Variants in NCAPH observed in about 807,000 individuals in gnomAD.
NCAPH encodes the protein condensin complex subunit 2.
In NCAPH, 38 loss-of-function variants were observed where a neutral mutation model predicts 85.5. The observed-to-expected ratio is 0.44, with a 90% CI of 0.34 to 0.58. NCAPH has a LOEUF of 0.58. Among genes scored for constraint, NCAPH ranks in the 20% least tolerant of loss-of-function variants. NCAPH has a pLI of 0.01. For synonymous variants in NCAPH, 301 were observed against 335.1 expected (o/e 0.90, Z 1.11); for missense variants, 789 against 916.6 (o/e 0.86, Z 1.80).
At chr2:96,338,359 G>A (rs980598783) in intron 1 of NCAPH, among the ~76,000 whole-genome samples, 3 of 151,728 alleles carry the variant, frequency 2.0e-5, no homozygotes, top group Non-Finnish European at 4.4e-5. Context: ...TACTGAGGAT[G>A]GGCTTTCTGT....
intron 6 of NCAPH, among the ~76,000 whole-genome samples, chr2:96,349,740 A>G (rs1365284020): frequency 2.0e-5 from 3 of 152,202 alleles, no homozygotes; most frequent in African/African-American, 7.2e-5. Context: ...TTCTTTATAT[A>G]TGAGCCGATC....
At chr2:96,350,335 A>C (rs547991302) in intron 6 of NCAPH, among the ~76,000 whole-genome samples, 17 of 152,350 alleles carry the variant, frequency 1.1e-4, no homozygotes, top group African/African-American at 4.1e-4. Context: ...AATGTGGGTC[A>C]GTGTACAATT....
chr2:96,360,529 G>C (rs1462096225), intron 11 of NCAPH, 59 bp from the exon 12 acceptor site: 1 of 1,593,420 alleles, frequency 6.3e-7, no homozygotes, highest in African/African-American at 1.3e-5. Flanking sequence ...TTTAAAAAAA[G>C]TAAGATGTTT....
rs189675004 is a variant in NCAPH at position 96,360,441 on chromosome 2, T to C, written c.1465-147T>C. 3.0e-6 allele frequency: 3 copies of C among 1,010,462 alleles called. No homozygotes were observed. The African/African-American group carries it at 4.9e-5, about 17-fold the overall frequency. The allele number at this position is 1,010,462 out of a possible 1,614,324, so 62.6% of individuals were successfully genotyped here. A position where few individuals can be genotyped will look rare whatever the true frequency, so the allele number is the denominator to read the frequency against. On this transcript the variant is annotated intron_variant, in intron 11 of 17. Coordinates refer to ENST00000240423, the MANE Select transcript of NCAPH (RefSeq NM_015341.5). ...ATCAAATTTAGAATAAAAAGAATAA[T>C]GCTAGCAAAATCACTTTTTTACATA...
At chr2:96,353,496 A>G (rs371984817) in intron 8 of NCAPH, 99 bp downstream of exon 8, 52 of 1,052,322 alleles carry the variant, frequency 4.9e-5, no homozygotes, top group East Asian at 2.5e-4. Context: ...TTATTTAGCC[A>G]GGAGTACAGA....
chr2:96,367,695 A>G (rs749854635), intron 15 of NCAPH, among the ~76,000 whole-genome samples: 1 of 152,218 alleles, frequency 6.6e-6, no homozygotes, highest in Non-Finnish European at 1.5e-5. Flanking sequence ...TCATGCTTCT[A>G]AGAGAGAAGT....
At chr2:96,358,356 T>A (rs1406333519) in intron 9 of NCAPH, among the ~76,000 whole-genome samples, 1 of 152,228 alleles carries the variant, frequency 6.6e-6, no homozygotes, top group Non-Finnish European at 1.5e-5. Context: ...GAGGGATTTG[T>A]CATCTTGTGT....
In NCAPH at chr2:96,374,149, T is replaced by C. The variant is rs1394632060; in HGVS notation, c.*798T>C. Reference sequence around the variant, plus strand: ...GAGAAACTTACTATTGTGACTCTCATGTTGGAGGAGGAAACGGACACCCAA... The same window carrying C: ...GAGAAACTTACTATTGTGACTCTCACGTTGGAGGAGGAAACGGACACCCAA... On this transcript the variant is annotated 3_prime_UTR_variant, in exon 18 of 18. Coordinates refer to ENST00000240423, the MANE Select transcript of NCAPH (RefSeq NM_015341.5). Among the ~76,000 whole-genome samples the C allele has an allele frequency of 1.3e-5, 2 of 152,172 alleles. No homozygotes were observed. The highest frequency in any genetic ancestry group is 3.8e-4 in the East Asian group (2 of 5,200).
rs1354118337 is a variant in NCAPH at position 96,351,875 on chromosome 2, C to T, written c.765C>T (p.Cys255=). ...FQKTAASFDE[C]STAGVFLSTL... ...AGACAGCAGCCTCATTTGATGAGTG[C>T]AGCACAGCAGGGGTGTTTCTGTCCA... is the stretch of plus-strand genomic sequence containing the variant. The change falls in exon 7 of 18, where the codon TGC becomes TGT. Residue 255 remains cysteine (C), a synonymous_variant. Coordinates refer to ENST00000240423, the MANE Select transcript of NCAPH (RefSeq NM_015341.5). The T allele has an allele frequency of 6.2e-7, 1 of 1,613,544 alleles. No individual in the cohort carries two copies. Among genetic ancestry groups the T allele is most frequent in the African/African-American group, 1.3e-5 (1 of 74,876 alleles).
intron 13 of NCAPH, 152 bp downstream of exon 13, chr2:96,364,743 G>C: frequency 1.6e-6 from 1 of 617,390 alleles, no homozygotes; most frequent in South Asian, 2.0e-5. Flanking sequence ...TCCACCCAGT[G>C]CAGGGAGCTG....
chr2:96,351,886 G>T lies in NCAPH; in HGVS notation c.776G>T (p.Gly259Val). The change falls in exon 7 of 18, where the codon GGG becomes GTG. Residue 259 changes from glycine (G) to valine (V), a missense_variant. Physicochemically the swap from Gly to Val is moderately radical, Grantham distance 109. Transcript: ENST00000240423. Reference sequence around the variant, plus strand: ...TCATTTGATGAGTGCAGCACAGCAGGGGTGTTTCTGTCCACTCTCCACTGC... The same window carrying T: ...TCATTTGATGAGTGCAGCACAGCAGTGGTGTTTCTGTCCACTCTCCACTGC... ...AASFDECSTA[G>V]VFLSTLHCQD... is the part of the protein sequence containing the mutation. 1 of 1,614,030 alleles carries T rather than the reference G, an allele frequency of 6.2e-7. No individual in the cohort carries two copies. The highest frequency in any genetic ancestry group is 8.5e-7 in the Non-Finnish European group (1 of 1,179,940).
Position 96,364,534 on chromosome 2 carries a change from T to G in NCAPH, c.1641T>G (p.Ile547Met), listed in dbSNP as rs773069368. The G allele has an allele frequency of 3.1e-6, 5 of 1,613,892 alleles. No homozygotes were observed. The highest frequency in any genetic ancestry group is 4.2e-6 in the Non-Finnish European group (5 of 1,179,748). The change falls in exon 13 of 18, where the codon ATT becomes ATG. Residue 547 changes from isoleucine (I) to methionine (M), a missense_variant. By Grantham distance (10) the Ile-to-Met change is conservative (BLOSUM62 1). Coordinates refer to ENST00000240423, the MANE Select transcript of NCAPH (RefSeq NM_015341.5). ...TAGAGACTGAGCATTATGAAGAAATTGAAGACTATGATTACAACAACCCTA... is the reference window on the plus strand; with the variant it reads ...TAGAGACTGAGCATTATGAAGAAATGGAAGACTATGATTACAACAACCCTA... ...HRVETEHYEE[I>M]EDYDYNNPND...
rs920125308 is a variant in NCAPH at position 96,360,464 on chromosome 2, A to G, written c.1465-124A>G. 5 of 1,182,652 alleles carry G rather than the reference A, an allele frequency of 4.2e-6. No individual in the cohort carries two copies. In the African/African-American group the frequency reaches 4.6e-5, roughly 11 times the overall value. The allele number at this position is 1,182,652 out of a possible 1,614,324, so 73.3% of individuals were successfully genotyped here. ...AATGCTAGCAAAATCACTTTTTTAC[A>G]TAGAACTGTGAGACTGATGGTAGAC... On this transcript the variant is annotated intron_variant, in intron 11 of 17. Coordinates refer to ENST00000240423, the MANE Select transcript of NCAPH (RefSeq NM_015341.5).
At position 96,344,154 on chromosome 2, in the gene NCAPH, G is replaced by C. The variant is rs374317706; in HGVS notation, c.645G>C (p.Lys215Asn). The change falls in exon 6 of 18, where the codon AAG (lysine) becomes AAC (asparagine). Residue 215 changes from lysine to asparagine, a missense_variant. Physicochemically the swap from Lys to Asn is moderately conservative, Grantham distance 94. Transcript: ENST00000240423. ...MGTTKKAVKP[K>N]KKHLHRTIEQ... Reference sequence around the variant, plus strand: ...CAACCAAAAAGGCTGTAAAGCCAAAGAAGAAGCACTTACACAGAACTATTG... The same window carrying C: ...CAACCAAAAAGGCTGTAAAGCCAAACAAGAAGCACTTACACAGAACTATTG... 5 of 1,613,636 alleles carry C rather than the reference G, an allele frequency of 3.1e-6. No homozygotes were observed. The highest frequency in any genetic ancestry group is 4.2e-6 in the Non-Finnish European group (5 of 1,179,924).
chr2:96,342,938 A>G lies in NCAPH; in HGVS notation c.456+90A>G. ...TAACACAGTTGAATGCTGCAAATAC[A>G]TGAGAGACTTCTCATTTAGATGTTA... On this transcript the variant is annotated intron_variant, in intron 4 of 17. Transcript: ENST00000240423. 8.9e-6 allele frequency: 11 copies of G among 1,241,872 alleles called. No homozygotes were observed. The South Asian group carries it at 1.4e-4, about 16-fold the overall frequency. The allele number at this position is 1,241,872 out of a possible 1,614,324, so 76.9% of individuals were successfully genotyped here.
At chr2:96,348,929 G>A (rs1030248180) in intron 6 of NCAPH, among the ~76,000 whole-genome samples, 4 of 152,250 alleles carry the variant, frequency 2.6e-5, no homozygotes, top group Middle Eastern at 3.4e-3. Context: ...GATTACAGAC[G>A]CGAGCCACCG....
At chr2:96,364,975 T>C (rs1434547856) in intron 13 of NCAPH, among the ~76,000 whole-genome samples, 1 of 152,160 alleles carries the variant, frequency 6.6e-6, no homozygotes, top group Non-Finnish European at 1.5e-5. Flanking sequence ...GATCACACCA[T>C]ATGTGATCTG....
At chr2:96,365,855 G>A (rs780575693) in intron 13 of NCAPH, 21 bp from the exon 14 acceptor site, 15 of 1,613,826 alleles carry the variant, frequency 9.3e-6, no homozygotes, top group Admixed American at 5.0e-5. Context: ...CACCAAACTC[G>A]AAGAGCTGTT....
intron 3 of NCAPH, 41 bp from the exon 4 acceptor site, chr2:96,342,715 G>C: frequency 6.8e-7 from 1 of 1,472,924 alleles, no homozygotes; most frequent in East Asian, 2.3e-5. Flanking sequence ...CATGAGCCTA[G>C]GCTATAAATA....
Sources: allele counts gnomAD v4.1 joint callset (sites outside exome capture counted in the v4.1 genomes callset), GRCh38; gene constraint gnomAD v4.1.1; transcripts MANE v1.5; gene names NCBI Gene and HGNC (gene_info 2026-07-23, HGNC 2026-07-21).